The following ABCA13 variants were observed in gnomAD, a reference collection of about 807,000 sequenced individuals.
ABCA13 encodes the protein ATP-binding cassette sub-family A member 13.
A neutral mutation model predicts 478.7 loss-of-function variants in ABCA13; 476 were observed. The observed-to-expected ratio is 0.99, with a 90% confidence interval of 0.92 to 1.07. The LOEUF is 1.07. Among genes scored for constraint, ABCA13 ranks in the 50% least tolerant of loss-of-function variants. The pLI is 0.00. For missense variants in ABCA13, 6,060 were observed against 5,910.6 expected (o/e 1.03, Z -0.83); for synonymous variants, 2,252 against 2,158.9 (o/e 1.04, Z -1.20).
intron 37 of ABCA13, among the ~76,000 whole-genome samples, chr7:48,390,553 C>T (rs58748074): frequency 0.026 from 4,002 of 152,220 alleles, 181 homozygotes; most frequent in African/African-American, 0.091. Context: ...TGGTTAGTGC[C>T]GGAACAAGCA....
chr7:48,489,695 A>G (rs1032188578), intron 48 of ABCA13, among the ~76,000 whole-genome samples: 3 of 152,224 alleles, frequency 2.0e-5, no homozygotes, highest in Non-Finnish European at 2.9e-5. Flanking sequence ...ACTGTAATAG[A>G]GAATACAGAC....
intron 38 of ABCA13, among the ~76,000 whole-genome samples, chr7:48,394,759 T>C (rs1485053790): frequency 1.3e-5 from 2 of 152,104 alleles, no homozygotes; most frequent in Non-Finnish European, 2.9e-5. Flanking sequence ...AGTTCTTTAG[T>C]GGTGATTTGT....
chr7:48,187,038 A>T (rs1397965744), intron 1 of ABCA13, among the ~76,000 whole-genome samples: 1 of 125,368 alleles, frequency 8.0e-6, no homozygotes, highest in Non-Finnish European at 1.7e-5. Context: ...TATATATATC[A>T]GTGTATACAT....
chr7:48,312,914 A>G (rs1461125217), intron 24 of ABCA13, among the ~76,000 whole-genome samples, 153 bp from the exon 25 acceptor site: 1 of 152,288 alleles, frequency 6.6e-6, no homozygotes, highest in African/African-American at 2.4e-5. Flanking sequence ...ACTCTAATGA[A>G]GATAACTTTC....
chr7:48,269,513 C>G (rs906394080), intron 16 of ABCA13, among the ~76,000 whole-genome samples: 1 of 152,134 alleles, frequency 6.6e-6, no homozygotes, highest in Non-Finnish European at 1.5e-5. Context: ...ATTTGTCGGA[C>G]TATTTTCTGC....
At chr7:48,393,226 C>T (rs757408394) in intron 38 of ABCA13, among the ~76,000 whole-genome samples, 2 of 152,140 alleles carry the variant, frequency 1.3e-5, no homozygotes, top group African/African-American at 4.8e-5. Flanking sequence ...GAGATAGAAA[C>T]ATTAATCCAG....
intron 55 of ABCA13, among the ~76,000 whole-genome samples, chr7:48,572,179 CAA>C (rs999836338): frequency 1.2e-4 from 18 of 152,114 alleles, no homozygotes; most frequent in African/African-American, 4.1e-4. Context: ...AACTTTGTCT[CAA>C]ATAAAATAAA....
intron 55 of ABCA13, among the ~76,000 whole-genome samples, chr7:48,562,992 ATATAT>A (rs1786623190): frequency 6.6e-6 from 1 of 152,016 alleles, no homozygotes; most frequent in Non-Finnish European, 1.5e-5. Flanking sequence ...ATCTACATAT[ATATAT>A]TATGTGTGTA....
chr7:48,195,840 G>C (rs549367783), intron 2 of ABCA13, among the ~76,000 whole-genome samples: 1 of 152,174 alleles, frequency 6.6e-6, no homozygotes, highest in Admixed American at 6.5e-5. Context: ...AAGGAGGTAT[G>C]GCAGAGTGAC....
rs1812752160 is a variant in ABCA13 at position 48,372,264 on chromosome 7, A to C, written c.10900A>C (p.Ile3634Leu). ...VLTISSATLA[I>L]VLKTSGIFAH... ...GACCATAAGCAGTGCTACTCTGGCC[A>C]TCGTTCTGAAAACAAGTGGCATCTT... The change falls in exon 33 of 62, where the codon ATC (isoleucine) becomes CTC (leucine). Residue 3634 changes from isoleucine to leucine, a missense_variant. Ile to Leu is a conservative substitution (Grantham distance 5). Around this residue, in one of 3 missense-constraint regions of ABCA13, gnomAD observed 4,423 missense variants for 4,309.1 expected, o/e 1.03. Transcript: ENST00000435803. 3.1e-6 allele frequency: 5 copies of C among 1,613,948 alleles called. No homozygotes were observed. The highest frequency in any genetic ancestry group is 4.2e-6 in the Non-Finnish European group (5 of 1,179,862).
At chr7:48,519,477 T>G (rs1832376780) in intron 52 of ABCA13, among the ~76,000 whole-genome samples, 1 of 152,248 alleles carries the variant, frequency 6.6e-6, no homozygotes. Context: ...TCATTTTCAT[T>G]GTTACCAAAT....
At chr7:48,487,872 C>G (rs960162917) in intron 47 of ABCA13, among the ~76,000 whole-genome samples, 1 of 152,224 alleles carries the variant, frequency 6.6e-6, no homozygotes, top group African/African-American at 2.4e-5. Context: ...GGACACACCT[C>G]TGATATATGA....
intron 20 of ABCA13, among the ~76,000 whole-genome samples, chr7:48,294,670 T>G: frequency 6.6e-6 from 1 of 151,760 alleles, no homozygotes; most frequent in East Asian, 1.9e-4. Context: ...ATGGTCTCGA[T>G]CTCCTGACCT....
Position 48,229,848 on chromosome 7 carries a change from T to A in ABCA13, c.656T>A (p.Leu219Ter). ...ILNSLISLED[L>*]DWLPLNQTFS... ...AGTTCCTTAATATCCCTAGAAGATT[T>A]AGATTGGCTTCCACTCAACCAAACT... The change falls in exon 7 of 62, where the codon TTA becomes TAA. Residue 219 changes from leucine (L) to a stop codon, truncating the protein, a stop_gained. Coordinates refer to ENST00000435803, the MANE Select transcript of ABCA13 (RefSeq NM_152701.5). LOFTEE classifies it high-confidence loss of function. The A allele has an allele frequency of 1.9e-6, 3 of 1,614,052 alleles. No individual in the cohort carries two copies. The highest frequency in any genetic ancestry group is 2.5e-6 in the Non-Finnish European group (3 of 1,179,896).
chr7:48,528,195 G>A, intron 54 of ABCA13, 41 bp from the exon 55 acceptor site: 3 of 1,455,704 alleles, frequency 2.1e-6, no homozygotes, highest in Non-Finnish European at 2.8e-6. Flanking sequence ...TATTTAGCTT[G>A]TTTGATTGAA....
intron 55 of ABCA13, among the ~76,000 whole-genome samples, chr7:48,576,025 A>G (rs1259143469): frequency 6.6e-6 from 1 of 152,214 alleles, no homozygotes; most frequent in Non-Finnish European, 1.5e-5. Flanking sequence ...AAAATACAGC[A>G]TAACCACCGT....
intron 7 of ABCA13, among the ~76,000 whole-genome samples, chr7:48,231,117 A>G (rs1789006575): frequency 6.6e-6 from 1 of 151,906 alleles, no homozygotes; most frequent in African/African-American, 2.4e-5. Flanking sequence ...GAACATGTAT[A>G]CCTATGTAAT....
chr7:48,604,271 C>T (rs998284012), intron 58 of ABCA13, among the ~76,000 whole-genome samples: 5 of 151,898 alleles, frequency 3.3e-5, no homozygotes, highest in Admixed American at 6.6e-5. Context: ...GTCTTCTGCT[C>T]GCTTTTGAAT....
chr7:48,410,740 G>A, intron 40 of ABCA13, 63 bp downstream of exon 40: 2 of 1,562,364 alleles, frequency 1.3e-6, no homozygotes, highest in Non-Finnish European at 1.7e-6. Context: ...TAAGAAACAA[G>A]TGGTGACAGT....
Sources: allele counts gnomAD v4.1 joint callset (sites outside exome capture counted in the v4.1 genomes callset), GRCh38; gene constraint gnomAD v4.1.1; regional missense constraint gnomAD v4.1.1; transcripts MANE v1.5; gene names NCBI Gene and HGNC (gene_info 2026-07-23, HGNC 2026-07-21).